Variants in MAST1 observed in about 807,000 individuals in gnomAD.
MAST1 encodes microtubule associated serine/threonine kinase 1.
MAST1 carries 40 observed loss-of-function variants against 124.6 expected under a neutral mutation model. The ratio of observed to expected loss-of-function variants is 0.32; its 90% CI spans 0.25 to 0.42. MAST1 has a LOEUF of 0.42. Among genes scored for constraint, MAST1 ranks in the 10% least tolerant of loss-of-function variants. The pLI is 1.00. For synonymous variants in MAST1, 938 were observed against 939.4 expected (o/e 1.00, Z 0.03); for missense variants, 1,558 against 2,181.9 (o/e 0.71, Z 5.70).
chr19:12,865,941 G>A lies in MAST1; in HGVS notation c.1907-39G>A, dbSNP rs1486944137. Reference sequence around the variant, plus strand: ...ATGGGGGGCGGGGCTGGGCTGCTGGGTTGGCCATCAGCTGTGGCTGGAATC... The same window carrying A: ...ATGGGGGGCGGGGCTGGGCTGCTGGATTGGCCATCAGCTGTGGCTGGAATC... On this transcript the variant is annotated intron_variant, in intron 16 of 25. Transcript: ENST00000251472. This position sits in a 1 kb window ranked among gnomAD's most constrained non-coding sequence, Gnocchi z 7.1. 6.2e-7 allele frequency: 1 copy of A among 1,612,074 alleles called. No individual in the cohort carries two copies. Among genetic ancestry groups the A allele is most frequent in the East Asian group, 2.2e-5 (1 of 44,770 alleles).
At position 12,873,988 on chromosome 19, in the gene MAST1, CAAGAA is replaced by C; in HGVS notation, c.3832_3836del (p.Lys1278GlyfsTer27). The stretch of plus-strand genomic sequence containing the variant: ...AGCTGGGAGCCTCTTTGAGTGCGGA[CAAGAA>C]GGGCGCGCTGCGCAAACACAGCCTC... On this transcript the variant is annotated frameshift_variant, in exon 26 of 26. Transcript: ENST00000251472. LOFTEE classifies it low-confidence loss of function (END_TRUNC). 6.2e-7 allele frequency: 1 copy of C among 1,603,300 alleles called. No homozygotes were observed. Among genetic ancestry groups the C allele is most frequent in the Non-Finnish European group, 8.5e-7 (1 of 1,179,300 alleles).
chr19:12,868,790 C>T lies in MAST1; in HGVS notation c.2714C>T (p.Thr905Ile). 2 of 1,608,266 alleles carry T rather than the reference C, an allele frequency of 1.2e-6. No individual in the cohort carries two copies. Among genetic ancestry groups the T allele is most frequent in the South Asian group, 1.1e-5 (1 of 90,292 alleles). ...DVAVEKRPSR[T>I]GGKVIKSASA... ...GCAGTAGAGAAGAGGCCTTCTCGAA[C>T]TGGGGGCAAAGTCATCAAATCAGCC... The change falls in exon 21 of 26, where the codon ACT becomes ATT. Residue 905 changes from threonine to isoleucine, a missense_variant. By Grantham distance (89) the Thr-to-Ile change is moderately conservative. Transcript: ENST00000251472.
Position 12,870,811 on chromosome 19 carries a change from G to A in MAST1, c.3004-13G>A, listed in dbSNP as rs772866129. ...CCCACTAACCCTGTCCCTATGGGGTGCTCTTTTCCCAGCATGTGGAGGAAG... is the reference window on the plus strand; with the variant it reads ...CCCACTAACCCTGTCCCTATGGGGTACTCTTTTCCCAGCATGTGGAGGAAG... On this transcript the variant is annotated splice_polypyrimidine_tract_variant and intron_variant, in intron 22 of 25. Transcript: ENST00000251472. The A allele has an allele frequency of 6.3e-7, 1 of 1,594,942 alleles. No homozygotes were observed. Among genetic ancestry groups the A allele is most frequent in the Non-Finnish European group, 8.6e-7 (1 of 1,169,422 alleles).
Position 12,841,407 on chromosome 19 carries a change from G to A in MAST1, c.248+341G>A, listed in dbSNP as rs556939199. On this transcript the variant is annotated intron_variant, in intron 3 of 25. Coordinates refer to ENST00000251472, the MANE Select transcript of MAST1 (RefSeq NM_014975.3). The surrounding 1 kb of genome is among the most constrained non-coding windows in gnomAD (Gnocchi z 4.3). ...GGACGGGGCAGCCAAGATGACGTGC[G>A]CAAGCGCAGATTGCGCGATGCCTAT... Among the ~76,000 whole-genome samples the A allele has an allele frequency of 6.6e-6, 1 of 152,378 alleles. No homozygotes were observed. Among genetic ancestry groups the A allele is most frequent in the East Asian group, 1.9e-4 (1 of 5,180 alleles).
At position 12,840,960 on chromosome 19, in the gene MAST1, T is replaced by C. The variant is rs370174675; in HGVS notation, c.173-31T>C. ...ACGCCGCTTTAGGGAACGAGAGACCTGACAGGATTTGCCCCCTCTTTCTCT... is the reference window on the plus strand; with the variant it reads ...ACGCCGCTTTAGGGAACGAGAGACCCGACAGGATTTGCCCCCTCTTTCTCT... On this transcript the variant is annotated intron_variant, in intron 2 of 25. Transcript: ENST00000251472. The C allele has an allele frequency of 1.7e-5, 15 of 873,192 alleles. No individual in the cohort carries two copies. In the African/African-American group the frequency reaches 2.5e-4, roughly 14 times the overall value. 54.1% of individuals were successfully genotyped at this position (873,192 alleles called of 1,614,324 possible). A position where few individuals can be genotyped will look rare whatever the true frequency, so the allele number is the denominator to read the frequency against.
In MAST1 at chr19:12,867,639, G is replaced by C; in HGVS notation, c.2305G>C (p.Gly769Arg). The C allele has an allele frequency of 6.2e-7, 1 of 1,600,774 alleles. No individual in the cohort carries two copies. The highest frequency in any genetic ancestry group is 8.5e-7 in the Non-Finnish European group (1 of 1,174,056). ...LTLREKTWRG[G>R]SPEIKRFSAS... ...CCTGCGTGAGAAGACCTGGAGAGGG[G>C]GCTCTCCGGAGATGTGAGCAGGGGA... is the stretch of plus-strand genomic sequence containing the variant. Residue 769 changes from glycine (G) to arginine (R), a missense_variant, in exon 19 of 26, where the codon GGC becomes CGC. Gly to Arg is a moderately radical substitution (Grantham distance 125, BLOSUM62 -2). Around this residue, in one of 10 missense-constraint regions of MAST1, gnomAD observed 287 missense variants for 308.0 expected, o/e 0.93. Transcript: ENST00000251472.
chr19:12,862,968 A>G (rs1364698871), intron 12 of MAST1, among the ~76,000 whole-genome samples: 1 of 151,850 alleles, frequency 6.6e-6, no homozygotes, highest in East Asian at 1.9e-4. Flanking sequence ...TGCCCGGCCA[A>G]TGAAACCCTG....
At chr19:12,857,105 T>A (rs186680072) in intron 10 of MAST1, among the ~76,000 whole-genome samples, 20 of 152,128 alleles carry the variant, frequency 1.3e-4, no homozygotes, top group Non-Finnish European at 2.9e-5. Flanking sequence ...TTTTTTGAGA[T>A]GGAGTTTTGC....
At position 12,847,810 on chromosome 19, in the gene MAST1, G is replaced by C. The variant is rs201934212; in HGVS notation, c.565-38G>C. 4.7e-4 allele frequency: 752 copies of C among 1,587,216 alleles called. No homozygotes were observed. Among genetic ancestry groups the C allele is most frequent in the Non-Finnish European group, 5.8e-4 (679 of 1,165,270 alleles). On this transcript the variant is annotated intron_variant, in intron 6 of 25. Transcript: ENST00000251472. This position sits in a 1 kb window ranked among gnomAD's most constrained non-coding sequence, Gnocchi z 5.5. ...CAGGCTCCTGGCGGCCGCAGCCTTC[G>C]GGCACAGCCCCGCGCCCCTCCTCCG...
chr19:12,868,827 C>T lies in MAST1; in HGVS notation c.2751C>T (p.Ala917=). The change falls in exon 21 of 26, where the codon GCC becomes GCT. Residue 917 remains alanine (A), a synonymous_variant. Coordinates refer to ENST00000251472, the MANE Select transcript of MAST1 (RefSeq NM_014975.3). Reference sequence around the variant, plus strand: ...TCATCAAATCAGCCTCAGCCACTGCCTTATCTGTCATGATTCCTGCAGGTA... The same window carrying T: ...TCATCAAATCAGCCTCAGCCACTGCTTTATCTGTCATGATTCCTGCAGGTA... ...GKVIKSASAT[A]LSVMIPAVDP... 1 of 1,589,240 alleles carries T rather than the reference C, an allele frequency of 6.3e-7. No homozygotes were observed. The highest frequency in any genetic ancestry group is 1.1e-5 in the South Asian group (1 of 87,100).
In MAST1 at chr19:12,847,242, T is replaced by C. The variant is rs1438306144; in HGVS notation, c.328-48T>C. 2 of 1,364,286 alleles carry C rather than the reference T, an allele frequency of 1.5e-6. No homozygotes were observed. Among genetic ancestry groups the C allele is most frequent in the African/African-American group, 1.4e-5 (1 of 69,828 alleles). The allele number at this position is 1,364,286 out of a possible 1,614,324, so 84.5% of individuals were successfully genotyped here. On this transcript the variant is annotated intron_variant, in intron 4 of 25. Coordinates refer to ENST00000251472, the MANE Select transcript of MAST1 (RefSeq NM_014975.3). This position sits in a 1 kb window ranked among gnomAD's most constrained non-coding sequence, Gnocchi z 5.5. ...AGTCCCAGCTCAGGGTCCTGAGCTGTTGGGGGGCCCATGGTGGCTCTGACC... is the reference window on the plus strand; with the variant it reads ...AGTCCCAGCTCAGGGTCCTGAGCTGCTGGGGGGCCCATGGTGGCTCTGACC...
chr19:12,873,435 G>A lies in MAST1; in HGVS notation c.3375G>A (p.Pro1125=), dbSNP rs781254321. ...NRSLSSSDSL[P]GSPTHGLPAR... is the part of the protein sequence containing the mutation. ...CGCTGTCATCCAGCGATAGTCTCCCGGGCTCGCCTACGCACGGGCTGCCGG... is the reference window on the plus strand; with the variant it reads ...CGCTGTCATCCAGCGATAGTCTCCCAGGCTCGCCTACGCACGGGCTGCCGG... The change falls in exon 25 of 26, where the codon CCG becomes CCA. Residue 1125 remains proline, a synonymous_variant. Transcript: ENST00000251472. 29 of 1,612,786 alleles carry A rather than the reference G, an allele frequency of 1.8e-5. No individual in the cohort carries two copies. Among genetic ancestry groups the A allele is most frequent in the Non-Finnish European group, 2.3e-5 (27 of 1,179,960 alleles).
At chr19:12,839,938 G>T (rs141334586) in intron 1 of MAST1, among the ~76,000 whole-genome samples, 28 of 152,222 alleles carry the variant, frequency 1.8e-4, no homozygotes, top group African/African-American at 6.3e-4. Context: ...AATACAACCT[G>T]CCTGTGTTAC....
At chr19:12,862,981 T>G (rs1453528064) in intron 12 of MAST1, among the ~76,000 whole-genome samples, 1 of 151,478 alleles carries the variant, frequency 6.6e-6, no homozygotes, top group Non-Finnish European at 1.5e-5. Flanking sequence ...AAACCCTGTT[T>G]CTACTAAAAT....
chr19:12,840,402 G>A, intron 1 of MAST1, 44 bp from the exon 2 acceptor site: 1 of 1,301,040 alleles, frequency 7.7e-7, no homozygotes, highest in South Asian at 1.2e-5. Context: ...AGAACTCACT[G>A]GGCTGCGGCC....
chr19:12,844,905 T>C lies in MAST1; in HGVS notation c.327+1298T>C, dbSNP rs531631610. On this transcript the variant is annotated intron_variant, in intron 4 of 25. Coordinates refer to ENST00000251472, the MANE Select transcript of MAST1 (RefSeq NM_014975.3). ...AAATTTCAGTTTGAACCATTTGAAA[T>C]TGTGATTATGTAGGCTATAGATAAT... is the stretch of plus-strand genomic sequence containing the variant. Among the ~76,000 whole-genome samples the C allele has an allele frequency of 3.9e-5, 6 of 152,262 alleles. No homozygotes were observed. The East Asian group carries it at 5.8e-4, about 15-fold the overall frequency.
In MAST1 at chr19:12,865,222, G is replaced by A; in HGVS notation, c.1638+44G>A. The A allele has an allele frequency of 6.2e-7, 1 of 1,600,904 alleles. No individual in the cohort carries two copies. ...GGGTCGCTGAGGGTGGAGTGACCCT[G>A]CAGGACCTCGGGAACCCAGGGCCTG... On this transcript the variant is annotated intron_variant, in intron 14 of 25. Coordinates refer to ENST00000251472, the MANE Select transcript of MAST1 (RefSeq NM_014975.3). This position sits in a 1 kb window ranked among gnomAD's most constrained non-coding sequence, Gnocchi z 7.1.
intron 10 of MAST1, among the ~76,000 whole-genome samples, chr19:12,854,123 CTT>C (rs533163138): frequency 9.5e-5 from 12 of 126,662 alleles, no homozygotes; most frequent in Non-Finnish European, 1.5e-4. Context: ...CTGGATATTT[CTT>C]TTTTTTTTTT....
chr19:12,846,325 T>C (rs1193249042), intron 4 of MAST1, among the ~76,000 whole-genome samples: 2 of 152,040 alleles, frequency 1.3e-5, no homozygotes, highest in African/African-American at 4.8e-5. Context: ...AGTGCTGAGA[T>C]TACAGGTGTG....
Sources: allele counts gnomAD v4.1 joint callset (sites outside exome capture counted in the v4.1 genomes callset), GRCh38; gene constraint gnomAD v4.1.1; regional missense constraint gnomAD v4.1.1; non-coding constraint Gnocchi (gnomAD v3.1); transcripts MANE v1.5; gene names NCBI Gene and HGNC (gene_info 2026-07-23, HGNC 2026-07-21).